SLC5A3: variants seen among roughly 807,000 people sequenced by gnomAD.
The protein encoded by SLC5A3 is sodium/myo-inositol cotransporter.
SLC5A3 carries 10 observed loss-of-function variants against 43.2 expected under a neutral mutation model. That is an observed-to-expected ratio of 0.23 (90% confidence interval 0.14 to 0.39). SLC5A3 has a LOEUF of 0.39. SLC5A3 is among the 10% of genes least tolerant of loss of function. The pLI is 1.00. For synonymous variants in SLC5A3, 349 were observed against 322.0 expected (o/e 1.08, Z -0.90); for missense variants, 608 against 893.4 (o/e 0.68, Z 4.07).
intron 1 of SLC5A3, among the ~76,000 whole-genome samples, chr21:34,083,297 T>C (rs563814139): frequency 4.4e-4 from 67 of 152,358 alleles, no homozygotes; most frequent in Non-Finnish European, 6.6e-4. Flanking sequence ...GTGTCGTCTT[T>C]GCTTCCGTTA....
intron 1 of SLC5A3, among the ~76,000 whole-genome samples, chr21:34,093,599 G>A (rs527757246): frequency 3.9e-4 from 59 of 152,148 alleles, no homozygotes; most frequent in African/African-American, 1.4e-3. Flanking sequence ...GAAAAAGCAT[G>A]GAAAAACATT....
rs992483759 is a variant in SLC5A3 at position 34,106,136 on chromosome 21, A to G, written c.*8781A>G. On this transcript the variant is annotated 3_prime_UTR_variant, in exon 2 of 2. Coordinates refer to ENST00000381151, the MANE Select transcript of SLC5A3 (RefSeq NM_006933.7). ...CTTCAAAAGTATTTGGAAACTTAAG[A>G]TGAACTACATTTCTTGCAAAGTACA... 1.0e-6 allele frequency: 1 copy of G among 995,460 alleles called. No individual in the cohort carries two copies. Among genetic ancestry groups the G allele is most frequent in the Non-Finnish European group, 1.2e-6 (1 of 825,708 alleles). 61.7% of individuals were successfully genotyped at this position (995,460 alleles called of 1,614,324 possible).
In SLC5A3 at chr21:34,101,403, G is replaced by A; in HGVS notation, c.*4048G>A. On this transcript the variant is annotated 3_prime_UTR_variant, in exon 2 of 2. Transcript: ENST00000381151. ...AGTAGAGATAATTTAGTAGAAAAAT[G>A]CTTTGAGGCTTCAGTATTTGTAAGA... is the stretch of plus-strand genomic sequence containing the variant. 2.0e-6 allele frequency: 2 copies of A among 1,000,168 alleles called. No homozygotes were observed. Among genetic ancestry groups the A allele is most frequent in the Non-Finnish European group, 2.4e-6 (2 of 829,946 alleles). The allele number at this position is 1,000,168 out of a possible 1,614,324, so 62.0% of individuals were successfully genotyped here. A position where few individuals can be genotyped will look rare whatever the true frequency, so the allele number is the denominator to read the frequency against.
rs747736374 is a variant in SLC5A3, at chr21:34,096,944, C to T, written c.1746C>T (p.Ile582=). ...GATGCAGTGAGAATAATGAGACCATCAACCACATCATTCCCAACGGGAAAT... is the reference window on the plus strand; with the variant it reads ...GATGCAGTGAGAATAATGAGACCATTAACCACATCATTCCCAACGGGAAAT... ...ILRCSENNET[I]NHIIPNGKSE... Residue 582 remains isoleucine, a synonymous_variant, in exon 2 of 2, where the codon ATC becomes ATT. Transcript: ENST00000381151. This position sits in a 1 kb window ranked among gnomAD's most constrained non-coding sequence, Gnocchi z 5.9. The T allele has an allele frequency of 1.2e-5, 20 of 1,613,976 alleles. No individual in the cohort carries two copies. The highest frequency in any genetic ancestry group is 1.7e-5 in the Admixed American group (1 of 59,992).
intron 1 of SLC5A3, among the ~76,000 whole-genome samples, chr21:34,083,061 C>A (rs1227228861): frequency 4.6e-5 from 7 of 152,152 alleles, no homozygotes; most frequent in African/African-American, 1.7e-4. Flanking sequence ...ATCGAGAATT[C>A]CTGGTTTTGT....
rs891136793 is a variant in SLC5A3, at chr21:34,095,999, G to T, written c.801G>T (p.Gly267=). 2 of 1,614,086 alleles carry T rather than the reference G, an allele frequency of 1.2e-6. No individual in the cohort carries two copies. Among genetic ancestry groups the T allele is most frequent in the Non-Finnish European group, 1.7e-6 (2 of 1,180,004 alleles). The change falls in exon 2 of 2, where the codon GGG becomes GGT. Residue 267 remains glycine (G), a synonymous_variant. Coordinates refer to ENST00000381151, the MANE Select transcript of SLC5A3 (RefSeq NM_006933.7). Reference sequence around the variant, plus strand: ...TTCCTTGGCCTGGATTCATTCTTGGGCAGACCCCAGCTTCAGTATGGTACT... The same window carrying T: ...TTCCTTGGCCTGGATTCATTCTTGGTCAGACCCCAGCTTCAGTATGGTACT... ...EDVPWPGFIL[G]QTPASVWYWC... is the part of the protein sequence containing the mutation.
In SLC5A3 at chr21:34,104,820, G is replaced by A. The variant is rs1365754012; in HGVS notation, c.*7465G>A. On this transcript the variant is annotated 3_prime_UTR_variant, in exon 2 of 2. Transcript: ENST00000381151. Reference sequence around the variant, plus strand: ...GTTAATCCTACGTACTATGTGTTCTGTACCTTTACATGTTTTTAAATTTAA... The same window carrying A: ...GTTAATCCTACGTACTATGTGTTCTATACCTTTACATGTTTTTAAATTTAA... 2.0e-6 allele frequency: 2 copies of A among 999,884 alleles called. No homozygotes were observed. Among genetic ancestry groups the A allele is most frequent in the African/African-American group, 3.5e-5 (2 of 57,220 alleles). The allele number at this position is 999,884 out of a possible 1,614,324, so 61.9% of individuals were successfully genotyped here. A position where few individuals can be genotyped will look rare whatever the true frequency, so the allele number is the denominator to read the frequency against.
intron 1 of SLC5A3, among the ~76,000 whole-genome samples, chr21:34,090,677 C>G (rs2148657387): frequency 1.3e-5 from 2 of 152,270 alleles, no homozygotes; most frequent in South Asian, 4.2e-4. Context: ...GAGCCACCTC[C>G]CCATTGCACT....
Position 34,095,516 on chromosome 21 carries a change from A to G in SLC5A3, c.318A>G (p.Val106=). 6.2e-7 allele frequency: 1 copy of G among 1,613,906 alleles called. No individual in the cohort carries two copies. Among genetic ancestry groups the G allele is most frequent in the Non-Finnish European group, 8.5e-7 (1 of 1,179,986 alleles). The change falls in exon 2 of 2, where the codon GTA becomes GTG. Residue 106 remains valine, a synonymous_variant. Coordinates refer to ENST00000381151, the MANE Select transcript of SLC5A3 (RefSeq NM_006933.7). The stretch of plus-strand genomic sequence containing the variant: ...TCCCAATTTACATCCGGTCAGGGGT[A>G]TATACCATGCCTGAATACTTGTCCA... ...VFIPIYIRSG[V]YTMPEYLSKR...
intron 1 of SLC5A3, among the ~76,000 whole-genome samples, chr21:34,079,815 G>C (rs755255032): frequency 1.3e-5 from 2 of 151,810 alleles, no homozygotes; most frequent in African/African-American, 4.8e-5. Flanking sequence ...GGCATTTTCT[G>C]TTCTCTTCTG....
intron 1 of SLC5A3, among the ~76,000 whole-genome samples, chr21:34,076,531 T>A (rs1025582613): frequency 1.3e-5 from 2 of 152,230 alleles, no homozygotes; most frequent in African/African-American, 4.8e-5. Flanking sequence ...ATTATGAGTA[T>A]CTACTTTTGT....
intron 1 of SLC5A3, among the ~76,000 whole-genome samples, chr21:34,090,219 CTT>C (rs766872225): frequency 1.3e-5 from 2 of 152,204 alleles, no homozygotes; most frequent in Non-Finnish European, 2.9e-5. Flanking sequence ...CTGTTTTGCT[CTT>C]TGTGTTACTG....
chr21:34,101,729 A>G lies in SLC5A3; in HGVS notation c.*4374A>G. ...TATTGAGGACTTTTAGATCCAAATA[A>G]TGACTCATTAAATATAATTATGTTT... On this transcript the variant is annotated 3_prime_UTR_variant, in exon 2 of 2. Transcript: ENST00000381151. 1.0e-6 allele frequency: 1 copy of G among 993,166 alleles called. No individual in the cohort carries two copies. The highest frequency in any genetic ancestry group is 1.2e-6 in the Non-Finnish European group (1 of 823,622). The allele number at this position is 993,166 out of a possible 1,614,324, so 61.5% of individuals were successfully genotyped here.
chr21:34,101,844 T>C lies in SLC5A3; in HGVS notation c.*4489T>C. 1.0e-6 allele frequency: 1 copy of C among 999,916 alleles called. No individual in the cohort carries two copies. The highest frequency in any genetic ancestry group is 1.2e-6 in the Non-Finnish European group (1 of 829,692). 61.9% of individuals were successfully genotyped at this position (999,916 alleles called of 1,614,324 possible). A position where few individuals can be genotyped will look rare whatever the true frequency, so the allele number is the denominator to read the frequency against. On this transcript the variant is annotated 3_prime_UTR_variant, in exon 2 of 2. Transcript: ENST00000381151. ...TGTTGGCTAATAATAAAAGCACTGT[T>C]TTATTCTCAAAACTCCTTTTTCAAA...
At chr21:34,090,749 AT>A (rs1030906378) in intron 1 of SLC5A3, among the ~76,000 whole-genome samples, 1 of 152,178 alleles carries the variant, frequency 6.6e-6, no homozygotes, top group African/African-American at 2.4e-5. Flanking sequence ...AGTTGGTTTC[AT>A]TTTAAAAGCC....
chr21:34,086,167 A>G (rs1357015955), intron 1 of SLC5A3, among the ~76,000 whole-genome samples: 1 of 152,062 alleles, frequency 6.6e-6, no homozygotes, highest in Non-Finnish European at 1.5e-5. Context: ...ATTCCAGGTA[A>G]TTTCTGTAGA....
intron 1 of SLC5A3, among the ~76,000 whole-genome samples, chr21:34,077,964 C>T (rs886964903): frequency 1.3e-4 from 20 of 152,178 alleles, no homozygotes; most frequent in African/African-American, 4.6e-4. Flanking sequence ...TATGAAGTGC[C>T]TGTATTTTAG....
At position 34,096,929 on chromosome 21, in the gene SLC5A3, G is replaced by C. The variant is rs1248453699; in HGVS notation, c.1731G>C (p.Glu577Asp). 1.2e-6 allele frequency: 2 copies of C among 1,613,990 alleles called. No homozygotes were observed. The highest frequency in any genetic ancestry group is 2.2e-5 in the South Asian group (2 of 91,084). Residue 577 changes from glutamate to aspartate, a missense_variant, in exon 2 of 2, where the codon GAG becomes GAC. Glu to Asp is a conservative substitution (Grantham distance 45). Around this residue, in one of 2 missense-constraint regions of SLC5A3, gnomAD observed 210 missense variants for 224.8 expected, o/e 0.93. Coordinates refer to ENST00000381151, the MANE Select transcript of SLC5A3 (RefSeq NM_006933.7). This position sits in a 1 kb window ranked among gnomAD's most constrained non-coding sequence, Gnocchi z 5.9. ...MQEKSILRCSENNETINHIIP... is the reference protein window; with the variant it reads ...MQEKSILRCSDNNETINHIIP... ...AAAAGAGCATTCTGAGATGCAGTGA[G>C]AATAATGAGACCATCAACCACATCA...
Position 34,098,498 on chromosome 21 carries a change from A to G in SLC5A3, c.*1143A>G. On this transcript the variant is annotated 3_prime_UTR_variant, in exon 2 of 2. Coordinates refer to ENST00000381151, the MANE Select transcript of SLC5A3 (RefSeq NM_006933.7). ...TCCTCAAAAGACTTTCCATCTGTACACAGCCTCTACATTTTTGTTGTAGTG... is the reference window on the plus strand; with the variant it reads ...TCCTCAAAAGACTTTCCATCTGTACGCAGCCTCTACATTTTTGTTGTAGTG... 1 of 1,000,198 alleles carries G rather than the reference A, an allele frequency of 1.0e-6. No individual in the cohort carries two copies. Among genetic ancestry groups the G allele is most frequent in the Non-Finnish European group, 1.2e-6 (1 of 829,990 alleles). The allele number at this position is 1,000,198 out of a possible 1,614,324, so 62.0% of individuals were successfully genotyped here. A position where few individuals can be genotyped will look rare whatever the true frequency, so the allele number is the denominator to read the frequency against.
Sources: allele counts gnomAD v4.1 joint callset (sites outside exome capture counted in the v4.1 genomes callset), GRCh38; gene constraint gnomAD v4.1.1; regional missense constraint gnomAD v4.1.1; non-coding constraint Gnocchi (gnomAD v3.1); transcripts MANE v1.5; gene names NCBI Gene and HGNC (gene_info 2026-07-23, HGNC 2026-07-21).